FAM186B: variants seen among roughly 807,000 people sequenced by gnomAD.
FAM186B encodes protein FAM186B.
A neutral mutation model predicts 83.4 loss-of-function variants in FAM186B; 68 were observed. The observed-to-expected ratio is 0.81, with a 90% CI of 0.67 to 1.00. FAM186B has a LOEUF of 1.00. Ranked by LOEUF, FAM186B falls within the 50% of genes least tolerant of loss-of-function variation. The probability of loss-of-function intolerance (pLI) is 0.00; values close to 1 mark genes in which losing one functional copy is unlikely to be tolerated. For missense variants in FAM186B, 983 were observed against 1,099.2 expected (o/e 0.89, Z 1.49); for synonymous variants, 389 against 422.0 (o/e 0.92, Z 0.96).
chr12:49,613,106 A>C, the FAM186B span, among the ~76,000 whole-genome samples: 1 of 152,262 alleles, frequency 6.6e-6, no homozygotes, highest in Non-Finnish European at 1.5e-5. Flanking sequence ...ATTACATAGA[A>C]ATTAAACAAC....
At position 49,599,805 on chromosome 12, in the gene FAM186B, C is replaced by A. The variant is rs767609528; in HGVS notation, c.1835G>T (p.Ser612Ile). ...TGGTCTGTAGGTAAACTCCACTGAA[C>A]TCATAGGTCTCTGCTTTCCCAGGGC... ...QPALGKQRPM[S>I]SVEFTYRPRT... is the part of the protein sequence containing the mutation. Residue 612 changes from serine (S) to isoleucine (I), a missense_variant, in exon 4 of 7, where the codon AGT (serine) becomes ATT (isoleucine). Ser to Ile is a moderately radical substitution (Grantham distance 142). Transcript: ENST00000257894. 43 of 1,613,236 alleles carry A rather than the reference C, an allele frequency of 2.7e-5. No homozygotes were observed. The highest frequency in any genetic ancestry group is 3.5e-5 in the Non-Finnish European group (41 of 1,179,598).
rs544582250 is a variant in FAM186B at position 49,604,483 on chromosome 12, C to T, written c.152G>A (p.Arg51His). ...ILDNVNCVIN[R>H]FQEELGYDLK... ...ATCATATCCTAATTCTTCCTGGAAG[C>T]GGTTGATGACACAATTGACATTGTC... is the stretch of plus-strand genomic sequence containing the variant. The change falls in exon 2 of 7, where the codon CGC becomes CAC. Residue 51 changes from arginine (R) to histidine (H), a missense_variant. Transcript: ENST00000257894. The T allele has an allele frequency of 1.5e-5, 25 of 1,614,164 alleles. No homozygotes were observed. Among genetic ancestry groups the T allele is most frequent in the Middle Eastern group, 1.6e-4 (1 of 6,062 alleles).
chr12:49,597,235 A>C (rs567318314), intron 5 of FAM186B, among the ~76,000 whole-genome samples: 1 of 152,304 alleles, frequency 6.6e-6, no homozygotes, highest in East Asian at 1.9e-4. Context: ...CAACCCCATC[A>C]TTAAGTGATG....
At chr12:49,608,586 T>G (rs1263694334), upstream of FAM186B, among the ~76,000 whole-genome samples, 1 of 151,242 alleles carries the variant, frequency 6.6e-6, no homozygotes, top group Non-Finnish European at 1.5e-5. Context: ...TGCAAGGTAG[T>G]GCATAAAGAT....
intron 2 of FAM186B, chr12:49,604,033 T>C (rs921592715): frequency 3.3e-5 from 15 of 456,910 alleles, no homozygotes; most frequent in Non-Finnish European, 4.7e-5. Flanking sequence ...GGGTGCTCTA[T>C]AAAATAGCTA....
At chr12:49,602,871 T>C (rs1162249023) in intron 3 of FAM186B, among the ~76,000 whole-genome samples, 4 of 152,152 alleles carry the variant, frequency 2.6e-5, no homozygotes, top group African/African-American at 9.7e-5. Flanking sequence ...GGCCCGCAGG[T>C]TCTAGCTGCT....
At chr12:49,619,153 A>G in the FAM186B span, among the ~76,000 whole-genome samples, 1 of 152,246 alleles carries the variant, frequency 6.6e-6, no homozygotes, top group South Asian at 2.1e-4. Flanking sequence ...TGACAACAGC[A>G]AAAACGCAAA....
intron 5 of FAM186B, among the ~76,000 whole-genome samples, chr12:49,590,710 G>A (rs1939562547): frequency 6.6e-6 from 1 of 152,152 alleles, no homozygotes; most frequent in Non-Finnish European, 1.5e-5. Flanking sequence ...TCCAAGTGTA[G>A]AGATTAAGAG....
chr12:49,595,588 C>G, intron 5 of FAM186B: 1 of 436,934 alleles, frequency 2.3e-6, no homozygotes, highest in Non-Finnish European at 4.6e-6. Flanking sequence ...CTTATAAGCC[C>G]AGGGCCTAGG....
At chr12:49,602,547 G>C (rs1351951921) in intron 3 of FAM186B, among the ~76,000 whole-genome samples, 3 of 152,206 alleles carry the variant, frequency 2.0e-5, no homozygotes, top group African/African-American at 7.2e-5. Flanking sequence ...GAGGCTCAGA[G>C]AGATGAAGTC....
chr12:49,614,859 A>C, the FAM186B span, among the ~76,000 whole-genome samples: 1 of 152,162 alleles, frequency 6.6e-6, no homozygotes, highest in African/African-American at 2.4e-5. Context: ...GGCCGGGCGC[A>C]GTGGTTCACG....
intron 5 of FAM186B, chr12:49,595,642 G>T (rs924806433): frequency 4.8e-6 from 2 of 420,314 alleles, no homozygotes; most frequent in Admixed American, 2.5e-5. Flanking sequence ...GCCCTGAGCA[G>T]CAAGGAGATG....
chr12:49,597,650 T>G (rs1375135972), intron 5 of FAM186B, among the ~76,000 whole-genome samples: 1 of 152,210 alleles, frequency 6.6e-6, no homozygotes, highest in Admixed American at 6.5e-5. Context: ...CTATGTGAGA[T>G]GATGGATATG....
At chr12:49,585,603 C>T (rs895282045), downstream of FAM186B, among the ~76,000 whole-genome samples, 5 of 152,204 alleles carry the variant, frequency 3.3e-5, no homozygotes, top group Admixed American at 6.5e-5. Flanking sequence ...CGAGAGGACG[C>T]CCCAGTGGGC....
At chr12:49,608,548 T>G (rs1020526147), upstream of FAM186B, among the ~76,000 whole-genome samples, 2 of 150,810 alleles carry the variant, frequency 1.3e-5, no homozygotes, top group Non-Finnish European at 3.0e-5. Context: ...GATTTGGGGC[T>G]GTTAGTGTGC....
chr12:49,593,042 TAAAAAA>T (rs1033550243), intron 5 of FAM186B: 1 of 152,110 alleles, frequency 6.6e-6, no homozygotes, highest in African/African-American at 2.4e-5. Flanking sequence ...ACAGATTGCA[TAAAAAA>T]GCAAGACCCA....
intron 2 of FAM186B, 142 bp downstream of exon 2, chr12:49,604,171 C>G (rs752609215): frequency 4.6e-6 from 3 of 652,386 alleles, no homozygotes; most frequent in Admixed American, 2.7e-5. Flanking sequence ...TGTGTCTGCC[C>G]CTCAGGAGCA....
chr12:49,587,647 C>T lies in FAM186B; in HGVS notation c.2640G>A (p.Arg880=). The change falls in exon 7 of 7, where the codon AGG becomes AGA. Residue 880 remains arginine, a synonymous_variant. Coordinates refer to ENST00000257894, the MANE Select transcript of FAM186B (RefSeq NM_032130.3). ...TPASLPRDQL[R]GHPDIPRLLT... is the part of the protein sequence containing the mutation. The stretch of plus-strand genomic sequence containing the variant: ...ACAGCCGGGGAATATCTGGGTGTCC[C>T]CTCAGCTGGTCCCGGGGAAGGCTGG... 2 of 1,613,690 alleles carry T rather than the reference C, an allele frequency of 1.2e-6. No homozygotes were observed. The highest frequency in any genetic ancestry group is 1.3e-5 in the African/African-American group (1 of 75,040).
the FAM186B span, among the ~76,000 whole-genome samples, chr12:49,620,513 C>CA: frequency 2.3e-3 from 317 of 135,846 alleles, 1 homozygote; most frequent in African/African-American, 4.5e-3. Flanking sequence ...ACTAAAAATA[C>CA]AAAAAAAAAA....
Sources: allele counts gnomAD v4.1 joint callset (sites outside exome capture counted in the v4.1 genomes callset), GRCh38; gene constraint gnomAD v4.1.1; transcripts MANE v1.5; gene names NCBI Gene and HGNC (gene_info 2026-07-23, HGNC 2026-07-21).